The following MYO5A variants were observed in gnomAD, a reference collection of about 807,000 sequenced individuals.
The protein encoded by MYO5A is myosin VA.
MYO5A carries 98 observed loss-of-function variants against 249.7 expected under a neutral mutation model. That is an observed-to-expected ratio of 0.39 (90% CI 0.33 to 0.46). MYO5A has a LOEUF of 0.46. MYO5A is among the 20% of genes least tolerant of loss of function. The probability of loss-of-function intolerance (pLI) is 0.98; values close to 1 mark genes in which losing one functional copy is unlikely to be tolerated. For synonymous variants in MYO5A, 778 were observed against 810.6 expected (o/e 0.96, Z 0.68); for missense variants, 1,696 against 2,308.8 (o/e 0.73, Z 5.44).
At chr15:52,482,647 T>C (rs1349082012) in intron 1 of MYO5A, among the ~76,000 whole-genome samples, 1 of 152,282 alleles carries the variant, frequency 6.6e-6, no homozygotes, top group East Asian at 1.9e-4. Context: ...GTTCATAATT[T>C]TTTTTTTTAA....
intron 1 of MYO5A, among the ~76,000 whole-genome samples, chr15:52,450,843 G>GTTTTTTTTTTTTTTTTTTT (rs56842960): frequency 2.4e-5 from 2 of 84,584 alleles, no homozygotes; most frequent in African/African-American, 5.0e-5. Context: ...CACTACTGTG[G>GTTTTTTTTTTTTTTTTTTT]TTTTTTTTTT....
At chr15:52,445,558 G>A (rs1012401687) in intron 1 of MYO5A, among the ~76,000 whole-genome samples, 2 of 152,218 alleles carry the variant, frequency 1.3e-5, no homozygotes, top group African/African-American at 2.4e-5. Context: ...GGTAACAGCA[G>A]AGGTTGGAAG....
chr15:52,376,159 T>G (rs111253635), intron 19 of MYO5A, among the ~76,000 whole-genome samples, 188 bp downstream of exon 19: 1 of 152,244 alleles, frequency 6.6e-6, no homozygotes, highest in South Asian at 2.1e-4. Flanking sequence ...GTTTTGAAGA[T>G]AAATCTGAAT....
At position 52,513,712 on chromosome 15, in the gene MYO5A, T is replaced by C. The variant is rs542874536; in HGVS notation, c.27+15068A>G. ...TCCCAAAGTGCAGGGATTATAGGCA[T>C]GAGCCACTGCGCCCGGCCAAGAATA... is the stretch of plus-strand genomic sequence containing the variant. On this transcript the variant is annotated intron_variant, in intron 1 of 41. Coordinates refer to ENST00000399233, the MANE Select transcript of MYO5A (RefSeq NM_001382347.1). Among the ~76,000 whole-genome samples the C allele has an allele frequency of 5.2e-3, 797 of 152,134 alleles. 7 individuals are homozygous for C. Among genetic ancestry groups the C allele is most frequent in the Admixed American group, 9.2e-3 (141 of 15,298 alleles).
chr15:52,377,090 T>A (rs972164045), intron 18 of MYO5A, among the ~76,000 whole-genome samples: 4 of 152,156 alleles, frequency 2.6e-5, no homozygotes, highest in Non-Finnish European at 5.9e-5. Flanking sequence ...ATCAATAATA[T>A]CTGAAAACAA....
intron 1 of MYO5A, among the ~76,000 whole-genome samples, chr15:52,495,264 G>C (rs1344099912): frequency 2.0e-5 from 3 of 152,104 alleles, no homozygotes; most frequent in African/African-American, 7.2e-5. Context: ...AATGAACCTG[G>C]AGGACATTAT....
intron 23 of MYO5A, among the ~76,000 whole-genome samples, 189 bp from the exon 24 acceptor site, chr15:52,364,891 A>G (rs1186416068): frequency 1.3e-5 from 2 of 152,222 alleles, no homozygotes; most frequent in Non-Finnish European, 2.9e-5. Flanking sequence ...TTTATTAATA[A>G]TAACAATCAT....
intron 4 of MYO5A, among the ~76,000 whole-genome samples, chr15:52,420,509 C>T (rs2043737102): frequency 6.6e-6 from 1 of 152,046 alleles, no homozygotes; most frequent in Admixed American, 6.6e-5. Context: ...AGACCCTCAA[C>T]TAGATGTAGC....
At chr15:52,327,772 CTAAG>C (rs1215381372) in intron 36 of MYO5A, 76 bp downstream of exon 36, 1 of 1,402,464 alleles carries the variant, frequency 7.1e-7, no homozygotes, top group African/African-American at 1.4e-5. Context: ...TAGCTAAACT[CTAAG>C]GAAGGAAGAT....
chr15:52,513,284 A>T (rs568027285), intron 1 of MYO5A, among the ~76,000 whole-genome samples: 14 of 151,532 alleles, frequency 9.2e-5, no homozygotes, highest in Admixed American at 7.2e-4. Context: ...TACAAAAATT[A>T]GCAGGGTGTG....
chr15:52,497,115 C>A (rs1460968806), intron 1 of MYO5A, among the ~76,000 whole-genome samples: 2 of 152,164 alleles, frequency 1.3e-5, no homozygotes, highest in Non-Finnish European at 2.9e-5. Flanking sequence ...GCATGCACCA[C>A]CATGCCCGGC....
chr15:52,384,060 C>T (rs772369087), intron 15 of MYO5A, 101 bp downstream of exon 15: 125 of 1,452,138 alleles, frequency 8.6e-5, no homozygotes, highest in Non-Finnish European at 1.1e-4. Flanking sequence ...CTAGGCTCTC[C>T]TCACCTGAGG....
chr15:52,347,908 C>T (rs2039723421), intron 29 of MYO5A, among the ~76,000 whole-genome samples: 1 of 152,234 alleles, frequency 6.6e-6, no homozygotes, highest in African/African-American at 2.4e-5. Flanking sequence ...AAGGGCCATA[C>T]TCAGATTTTT....
intron 1 of MYO5A, among the ~76,000 whole-genome samples, chr15:52,481,313 A>G (rs1041377767): frequency 6.6e-6 from 1 of 152,208 alleles, no homozygotes; most frequent in Non-Finnish European, 1.5e-5. Context: ...TTGCCTAGAG[A>G]TTCTATAAGA....
chr15:52,447,830 A>G (rs1056987142), intron 1 of MYO5A, among the ~76,000 whole-genome samples: 1 of 152,186 alleles, frequency 6.6e-6, no homozygotes, highest in African/African-American at 2.4e-5. Context: ...CTTGAGAGAG[A>G]TGATTTAGAG....
chr15:52,384,059 C>CCTCACCTGAGGAT, intron 15 of MYO5A, 102 bp downstream of exon 15: 2 of 1,433,088 alleles, frequency 1.4e-6, no homozygotes, highest in Non-Finnish European at 2.0e-6. Flanking sequence ...TCTAGGCTCT[C>CCTCACCTGAGGAT]CTCACCTGAG....
intron 30 of MYO5A, among the ~76,000 whole-genome samples, chr15:52,345,478 G>A (rs7175301): frequency 0.034 from 5,218 of 151,706 alleles, 277 homozygotes; most frequent in African/African-American, 0.11. Flanking sequence ...CCAGCTACTC[G>A]AGAGGCTGAG....
rs1444046640 is a variant in MYO5A, at chr15:52,310,450, T to C, written c.*3246A>G. The C allele has an allele frequency of 1.3e-5, 2 of 152,242 alleles. No individual in the cohort carries two copies. Among genetic ancestry groups the C allele is most frequent in the African/African-American group, 4.8e-5 (2 of 41,458 alleles). The allele number at this position is 152,242 out of a possible 1,614,324, so 9.4% of individuals were successfully genotyped here. ...GGGGATTATTAAGATAAAGAACTGT[T>C]GTGACTTTTAAGATCTCTTCCTTTG... On this transcript the variant is annotated 3_prime_UTR_variant, in exon 42 of 42. Transcript: ENST00000399233.
intron 21 of MYO5A, among the ~76,000 whole-genome samples, chr15:52,371,384 A>G (rs1352407314): frequency 6.6e-6 from 1 of 152,210 alleles, no homozygotes; most frequent in Non-Finnish European, 1.5e-5. Flanking sequence ...AAGCATCAAC[A>G]TTTTCCTGAT....
Sources: allele counts gnomAD v4.1 joint callset (sites outside exome capture counted in the v4.1 genomes callset), GRCh38; gene constraint gnomAD v4.1.1; transcripts MANE v1.5; gene names NCBI Gene and HGNC (gene_info 2026-07-23, HGNC 2026-07-21).